Variants in SEC24C observed in about 807,000 individuals in gnomAD.
The protein encoded by SEC24C is SEC24 homolog C, COPII component, also known as protein transport protein Sec24C.
SEC24C carries 22 observed loss-of-function variants against 117.0 expected under a neutral mutation model. The ratio of observed to expected loss-of-function variants is 0.19; its 90% CI spans 0.13 to 0.27. The LOEUF is 0.27. Ranked by LOEUF, SEC24C falls within the 10% of genes least tolerant of loss-of-function variation. The pLI, the probability that SEC24C is intolerant of heterozygous loss-of-function variation, is 1.00. For missense variants in SEC24C, 1,155 were observed against 1,375.1 expected, an observed-to-expected ratio of 0.84 and a Z score of 2.53; for synonymous variants, 506 against 529.4, an observed-to-expected ratio of 0.96 and a Z score of 0.61.
intron 10 of SEC24C, 33 bp downstream of exon 10, chr10:73,765,948 T>G: frequency 5.0e-6 from 8 of 1,595,590 alleles, no homozygotes; most frequent in Non-Finnish European, 6.9e-6. Flanking sequence ...GAGCAGTGAG[T>G]GGAGGATAAT....
Position 73,770,785 on chromosome 10 carries a change from C to T in SEC24C, c.3131C>T (p.Ser1044Phe), listed in dbSNP as rs751483899. 7 of 1,614,010 alleles carry T rather than the reference C, an allele frequency of 4.3e-6. No individual in the cohort carries two copies. In the African/African-American group the frequency reaches 9.3e-5, roughly 22 times the overall value. The change falls in exon 22 of 23, where the codon TCC becomes TTC. Residue 1044 changes from serine (S) to phenylalanine (F), a missense_variant. Ser to Phe is a radical substitution (Grantham distance 155). Transcript: ENST00000345254. ...ATTGATAGCTTACGGGCACAGAGATCCCGGTACATGAAGGTAACACTGATC... is the reference window on the plus strand; with the variant it reads ...ATTGATAGCTTACGGGCACAGAGATTCCGGTACATGAAGGTAACACTGATC... ...GLIDSLRAQR[S>F]RYMKLTVVKQ...
intron 11 of SEC24C, 40 bp from the exon 12 acceptor site, chr10:73,766,309 GA>G: frequency 6.3e-7 from 1 of 1,582,134 alleles, no homozygotes. Flanking sequence ...GTGGGTGGTG[GA>G]AAAGGTGGCA....
Position 73,746,852 on chromosome 10 carries a change from T to A in SEC24C, c.20T>A (p.Val7Asp). Reference sequence around the variant, plus strand: ...TTCATAATGAACGTCAACCAGTCAGTTCCACCTGTGCCACCATTTGGGCAG... The same window carrying A: ...TTCATAATGAACGTCAACCAGTCAGATCCACCTGTGCCACCATTTGGGCAG... MNVNQS[V>D]PPVPPFGQPQ... The change falls in exon 2 of 23, where the codon GTT (valine) becomes GAT (aspartate). Residue 7 changes from valine (V) to aspartate (D), a missense_variant. By Grantham distance (152) the Val-to-Asp change is radical. Around this residue, in one of 2 missense-constraint regions of SEC24C, gnomAD observed 396 missense variants for 382.8 expected, o/e 1.03. Transcript: ENST00000345254. 6.2e-7 allele frequency: 1 copy of A among 1,611,240 alleles called. No homozygotes were observed. Among genetic ancestry groups the A allele is most frequent in the South Asian group, 1.1e-5 (1 of 90,352 alleles).
intron 3 of SEC24C, among the ~76,000 whole-genome samples, chr10:73,756,314 A>G (rs1239852513): frequency 6.6e-6 from 1 of 152,154 alleles, no homozygotes; most frequent in East Asian, 1.9e-4. Context: ...GAACTGAGAC[A>G]TTGTTTATAA....
chr10:73,764,523 C>CAAA (rs113069953), intron 8 of SEC24C, among the ~76,000 whole-genome samples: 1 of 75,694 alleles, frequency 1.3e-5, no homozygotes. Flanking sequence ...GACTCTGTCT[C>CAAA]AAAAAAAAAA....
At chr10:73,749,189 G>C (rs2082607303) in intron 2 of SEC24C, among the ~76,000 whole-genome samples, 1 of 152,210 alleles carries the variant, frequency 6.6e-6, no homozygotes, top group Non-Finnish European at 1.5e-5. Flanking sequence ...CTAAATGGAA[G>C]GGTTGTGGTC....
rs756388578 is a variant in SEC24C at position 73,759,773 on chromosome 10, CCTT to C, written c.465_467del (p.Ser156del). The C allele has an allele frequency of 1.0e-4, 159 of 1,595,450 alleles. 1 individual carries two copies. Among genetic ancestry groups the C allele is most frequent in the South Asian group, 7.9e-4 (70 of 88,378 alleles). On this transcript the variant is annotated inframe_deletion, in exon 4 of 23. Transcript: ENST00000345254. Reference sequence around the variant, plus strand: ...CAGCGGTGCTGTGGCCCCAGCCCCTCCTTCTTCAGGGCTGGGCTTTGGTGAGTG... The same window carrying C: ...CAGCGGTGCTGTGGCCCCAGCCCCTCCTTCAGGGCTGGGCTTTGGTGAGTG...
In SEC24C at chr10:73,768,838, G is replaced by A. The variant is rs1390465245; in HGVS notation, c.2210G>A (p.Ser737Asn). 2.5e-6 allele frequency: 4 copies of A among 1,613,870 alleles called. No individual in the cohort carries two copies. Among genetic ancestry groups the A allele is most frequent in the African/African-American group, 1.3e-5 (1 of 75,050 alleles). The change falls in exon 16 of 23, where the codon AGT becomes AAT. Residue 737 changes from serine to asparagine, a missense_variant. By Grantham distance (46) the Ser-to-Asn change is conservative. This residue lies in a region of SEC24C where 759 missense variants were observed against 992.3 expected (regional missense o/e 0.76). Transcript: ENST00000345254. ...GAGAACGACCAGGAGCGGTTCCTGA[G>A]TGACCTGCGTCGTGATGTCCAGAAG... Reference protein sequence around the residue: ...QVENDQERFLSDLRRDVQKVV... With the variant: ...QVENDQERFLNDLRRDVQKVV...
At chr10:73,747,701 C>A (rs1031538833) in intron 2 of SEC24C, among the ~76,000 whole-genome samples, 3 of 147,092 alleles carry the variant, frequency 2.0e-5, no homozygotes, top group Non-Finnish European at 4.5e-5. Flanking sequence ...CTCTTGTTGC[C>A]CAGGCTGTAG....
At chr10:73,761,795 CTCT>C (rs1167643174) in intron 6 of SEC24C, among the ~76,000 whole-genome samples, 1 of 152,154 alleles carries the variant, frequency 6.6e-6, no homozygotes, top group African/African-American at 2.4e-5. Flanking sequence ...GGGAACACTC[CTCT>C]TCTTCTTCCT....
chr10:73,770,906 G>A, intron 22 of SEC24C, 49 bp from the exon 23 acceptor site: 5 of 1,613,784 alleles, frequency 3.1e-6, no homozygotes, highest in South Asian at 1.1e-5. Flanking sequence ...TTCTGGGCAT[G>A]TTTAATTTCC....
chr10:73,762,937 GC>G lies in SEC24C; in HGVS notation c.988-552del, dbSNP rs1290516280. Reference sequence around the variant, plus strand: ...ACATTGATGCTTACCTGAAAGTAAGGCAGCATCTGCTTCCTCACCTTACTTG... The same window carrying G: ...ACATTGATGCTTACCTGAAAGTAAGGAGCATCTGCTTCCTCACCTTACTTG... On this transcript the variant is annotated intron_variant, in intron 6 of 22. Transcript: ENST00000345254. 2.0e-5 allele frequency among the ~76,000 whole-genome samples: 3 copies of G among 152,152 alleles called. No individual in the cohort carries two copies. In the East Asian group the frequency reaches 5.8e-4, roughly 29 times the overall value.
Position 73,760,056 on chromosome 10 carries a change from C to T in SEC24C, c.520C>T (p.Pro174Ser), listed in dbSNP as rs755775789. The T allele has an allele frequency of 6.3e-7, 1 of 1,599,888 alleles. No individual in the cohort carries two copies. Among genetic ancestry groups the T allele is most frequent in the Non-Finnish European group, 8.5e-7 (1 of 1,171,192 alleles). ...TSLASASGSF[P>S]NSGLYGSYPQ... Reference sequence around the variant, plus strand: ...GCTGGCTTCAGCCTCAGGAAGTTTCCCTAACTCTGGTCTGTATGGCTCCTA... The same window carrying T: ...GCTGGCTTCAGCCTCAGGAAGTTTCTCTAACTCTGGTCTGTATGGCTCCTA... The change falls in exon 5 of 23, where the codon CCT (proline) becomes TCT (serine). Residue 174 changes from proline (P) to serine (S), a missense_variant. Transcript: ENST00000345254.
At chr10:73,763,112 G>A (rs893810838) in intron 6 of SEC24C, among the ~76,000 whole-genome samples, 1 of 152,160 alleles carries the variant, frequency 6.6e-6, no homozygotes, top group Admixed American at 6.5e-5. Flanking sequence ...GAGGATCGGG[G>A]AAGGCATGAT....
Position 73,766,476 on chromosome 10 carries a change from C to G in SEC24C, c.1734C>G (p.Asp578Glu), listed in dbSNP as rs759901512. The G allele has an allele frequency of 6.2e-7, 1 of 1,613,924 alleles. No homozygotes were observed. Among genetic ancestry groups the G allele is most frequent in the Non-Finnish European group, 8.5e-7 (1 of 1,180,026 alleles). Residue 578 changes from aspartate (D) to glutamate (E), a missense_variant, in exon 12 of 23, where the codon GAC becomes GAG. Around this residue, in one of 2 missense-constraint regions of SEC24C, gnomAD observed 759 missense variants for 992.3 expected, o/e 0.76. Coordinates refer to ENST00000345254, the MANE Select transcript of SEC24C (RefSeq NM_198597.3). ...TGATGGTTGTGTCTGATGTGGCTGA[C>G]ATGTTTGTGCCACTGCTGGATGGCT... ...PQMMVVSDVA[D>E]MFVPLLDGFL...
intron 6 of SEC24C, 39 bp from the exon 7 acceptor site, chr10:73,763,451 T>C: frequency 7.1e-7 from 1 of 1,401,766 alleles, no homozygotes; most frequent in Non-Finnish European, 1.0e-6. Context: ...TCACACTTCC[T>C]TTTTCTTCTG....
At chr10:73,763,422 C>A in intron 6 of SEC24C, 68 bp from the exon 7 acceptor site, 1 of 1,091,206 alleles carries the variant, frequency 9.2e-7, no homozygotes, top group Non-Finnish European at 1.4e-6. Flanking sequence ...GCCTTTTTCA[C>A]TCTTGGCACT....
intron 4 of SEC24C, 45 bp downstream of exon 4, chr10:73,759,839 G>A (rs1184399307): frequency 9.9e-6 from 15 of 1,512,254 alleles, no homozygotes; most frequent in South Asian, 1.3e-5. Context: ...CCTGTTCAGA[G>A]GCATCAGACT....
intron 2 of SEC24C, among the ~76,000 whole-genome samples, chr10:73,748,513 G>T (rs916659462): frequency 2.0e-5 from 3 of 151,750 alleles, no homozygotes; most frequent in Non-Finnish European, 2.9e-5. Context: ...TCAGCTTACT[G>T]TAACCTCCGC....
Sources: gnomAD v4.1 joint callset for allele counts (sites outside exome capture counted in the v4.1 genomes callset) on GRCh38, gnomAD v4.1.1 for gene constraint, gnomAD v4.1.1 regional missense constraint, MANE v1.5 for transcripts, NCBI Gene and HGNC (gene_info 2026-07-23, HGNC 2026-07-21) for gene names.